Variants in DYM observed in about 807,000 individuals in gnomAD.
DYM encodes the protein dyggve-Melchior-Clausen syndrome protein.
DYM carries 78 observed loss-of-function variants against 93.1 expected under a neutral mutation model. That is an observed-to-expected ratio of 0.84 (90% confidence interval 0.70 to 1.01). DYM has a LOEUF of 1.01. Among genes scored for constraint, DYM ranks in the 50% least tolerant of loss-of-function variants. The probability of loss-of-function intolerance (pLI) is 0.00; values close to 1 mark genes in which losing one functional copy is unlikely to be tolerated. For synonymous variants in DYM, 321 were observed against 319.7 expected (o/e 1.00, Z -0.04); for missense variants, 789 against 845.0 (o/e 0.93, Z 0.82).
intron 11 of DYM, among the ~76,000 whole-genome samples, chr18:49,269,277 T>C (rs1003715982): frequency 4.0e-5 from 6 of 151,812 alleles, no homozygotes; most frequent in African/African-American, 1.5e-4. Context: ...ATCACACCAG[T>C]GTGGATAGTC....
rs75001488 is a variant in DYM, at chr18:49,038,213, C to T, written c.*5842G>A. Among the ~76,000 whole-genome samples, 1,900 of 152,194 alleles carry T rather than the reference C, an allele frequency of 0.012. 18 individuals are homozygous for T. Among genetic ancestry groups the T allele is most frequent in the South Asian group, 0.042 (201 of 4,824 alleles). On this transcript the variant is annotated 3_prime_UTR_variant, in exon 18 of 18. Coordinates refer to ENST00000675505, the MANE Select transcript of DYM (RefSeq NM_001353214.3). ...TTGAGTTTGGTGTCCTACATACATC[C>T]GTTTGGTTTGCTCATTTCATTGCTT...
intron 15 of DYM, among the ~76,000 whole-genome samples, chr18:49,121,693 C>T (rs1000232009): frequency 1.3e-5 from 2 of 152,076 alleles, no homozygotes; most frequent in African/African-American, 4.8e-5. Flanking sequence ...AAAAAACCCA[C>T]ACACATTAAA....
chr18:49,294,789 C>G (rs1262889858), intron 8 of DYM, among the ~76,000 whole-genome samples: 1 of 149,880 alleles, frequency 6.7e-6, no homozygotes, highest in Non-Finnish European at 1.5e-5. Context: ...AGAACTATAC[C>G]AAAAAAAAAG....
chr18:49,303,325 C>T (rs910612954), intron 8 of DYM, among the ~76,000 whole-genome samples: 1 of 152,128 alleles, frequency 6.6e-6, no homozygotes. Flanking sequence ...AAATTGTTGT[C>T]ACTACATTTA....
chr18:49,277,239 TA>T (rs1224489615), intron 10 of DYM, among the ~76,000 whole-genome samples: 1 of 152,038 alleles, frequency 6.6e-6, no homozygotes, highest in African/African-American at 2.4e-5. Flanking sequence ...ATGGCACATA[TA>T]AATGGGAACA....
chr18:49,154,905 A>C (rs1265566774), intron 15 of DYM, among the ~76,000 whole-genome samples: 2 of 152,184 alleles, frequency 1.3e-5, no homozygotes, highest in Non-Finnish European at 2.9e-5. Flanking sequence ...ATTATTGAAA[A>C]ATTTAATGCA....
At chr18:49,149,756 G>T (rs921651882) in intron 15 of DYM, among the ~76,000 whole-genome samples, 1 of 125,350 alleles carries the variant, frequency 8.0e-6, no homozygotes, top group Admixed American at 1.0e-4. Flanking sequence ...CACCAGGCTA[G>T]AGTCCAGTGG....
chr18:49,315,756 A>G (rs896489475), intron 8 of DYM, among the ~76,000 whole-genome samples: 5 of 152,230 alleles, frequency 3.3e-5, no homozygotes, highest in African/African-American at 1.2e-4. Context: ...GAATCATAGT[A>G]TATCATTTTG....
At chr18:49,150,642 GCTGA>G (rs1320725849) in intron 15 of DYM, among the ~76,000 whole-genome samples, 1 of 152,182 alleles carries the variant, frequency 6.6e-6, no homozygotes, top group Non-Finnish European at 1.5e-5. Flanking sequence ...GGCATCTTGA[GCTGA>G]CTAACACAGG....
intron 13 of DYM, among the ~76,000 whole-genome samples, chr18:49,230,546 A>T (rs2093664534): frequency 6.6e-6 from 1 of 152,114 alleles, no homozygotes; most frequent in African/African-American, 2.4e-5. Context: ...GCTATACTGA[A>T]ATGAGATAAG....
intron 1 of DYM, among the ~76,000 whole-genome samples, chr18:49,437,888 G>A (rs2080999098): frequency 6.6e-6 from 1 of 152,128 alleles, no homozygotes; most frequent in Non-Finnish European, 1.5e-5. Flanking sequence ...TTTTCAAAGA[G>A]GCTAGGATAG....
At chr18:49,249,588 G>C (rs2094243303) in intron 13 of DYM, among the ~76,000 whole-genome samples, 1 of 152,166 alleles carries the variant, frequency 6.6e-6, no homozygotes, top group Non-Finnish European at 1.5e-5. Flanking sequence ...CCATGAGCCT[G>C]AATGGTCTAA....
chr18:49,385,682 C>G (rs2068540308), intron 3 of DYM, among the ~76,000 whole-genome samples: 1 of 149,176 alleles, frequency 6.7e-6, no homozygotes. Context: ...GCAACAAGAG[C>G]AAAACTCTGT....
chr18:49,448,225 A>G (rs1211720463), intron 1 of DYM, among the ~76,000 whole-genome samples: 2 of 152,202 alleles, frequency 1.3e-5, no homozygotes, highest in African/African-American at 4.8e-5. Context: ...TCAGCAGGAA[A>G]ATGGCCATTC....
chr18:49,142,230 C>T (rs1168889577), intron 15 of DYM, among the ~76,000 whole-genome samples: 1 of 152,074 alleles, frequency 6.6e-6, no homozygotes, highest in African/African-American at 2.4e-5. Context: ...TCTGCATCTA[C>T]TATATCTACT....
chr18:49,250,079 A>T lies in DYM; in HGVS notation c.1460+6931T>A, dbSNP rs374389081. Among the ~76,000 whole-genome samples, 31 of 152,344 alleles carry T rather than the reference A, an allele frequency of 2.0e-4. No homozygotes were observed. The East Asian group carries it at 5.8e-3, about 28-fold the overall frequency. ...TTCAAGCGGCAGCAGACATCTGCAA[A>T]ATATAGCCAGATGCTAATCAACTTG... is the stretch of plus-strand genomic sequence containing the variant. On this transcript the variant is annotated intron_variant, in intron 13 of 17. Coordinates refer to ENST00000675505, the MANE Select transcript of DYM (RefSeq NM_001353214.3).
At chr18:49,284,582 T>C (rs1422731412) in intron 9 of DYM, among the ~76,000 whole-genome samples, 3 of 152,180 alleles carry the variant, frequency 2.0e-5, no homozygotes, top group Non-Finnish European at 4.4e-5. Context: ...ACAAATACTA[T>C]TAGGTGATAT....
At chr18:49,229,587 T>C (rs1352883857) in intron 13 of DYM, among the ~76,000 whole-genome samples, 1 of 152,102 alleles carries the variant, frequency 6.6e-6, no homozygotes, top group Non-Finnish European at 1.5e-5. Context: ...CACAGAACTA[T>C]TAAAATGGCT....
intron 2 of DYM, among the ~76,000 whole-genome samples, chr18:49,400,683 C>A (rs2070713553): frequency 6.6e-6 from 1 of 151,422 alleles, no homozygotes; most frequent in South Asian, 2.1e-4. Flanking sequence ...AGGCACACCC[C>A]TGCCAAAAGC....
Sources: allele counts gnomAD v4.1 joint callset (sites outside exome capture counted in the v4.1 genomes callset), GRCh38; gene constraint gnomAD v4.1.1; transcripts MANE v1.5; gene names NCBI Gene and HGNC (gene_info 2026-07-23, HGNC 2026-07-21).